VWC2: variants seen among roughly 807,000 people sequenced by gnomAD.
VWC2 encodes von Willebrand factor C domain containing 2.
VWC2 carries 14 observed loss-of-function variants against 29.8 expected under a neutral mutation model. That is an observed-to-expected ratio of 0.47 (90% confidence interval 0.31 to 0.74). The LOEUF (loss-of-function observed/expected upper bound fraction) is 0.74. Among genes scored for constraint, VWC2 ranks in the 30% least tolerant of loss-of-function variants. The probability of loss-of-function intolerance (pLI) is 0.05; values close to 1 mark genes in which losing one functional copy is unlikely to be tolerated. For missense variants in VWC2, 457 were observed against 459.8 expected (o/e 0.99, Z 0.05); for synonymous variants, 213 against 199.0 (o/e 1.07, Z -0.59).
At chr7:49,789,322 TGTGTGTGG>T (rs915476362) in intron 2 of VWC2, among the ~76,000 whole-genome samples, 17 of 148,152 alleles carry the variant, frequency 1.1e-4, no homozygotes, top group African/African-American at 4.3e-4. Context: ...TGGGTGTAGG[TGTGTGTGG>T]GTGCGTGTGA....
intron 3 of VWC2, among the ~76,000 whole-genome samples, chr7:49,909,898 G>A (rs988311537): frequency 6.6e-6 from 1 of 152,064 alleles, no homozygotes; most frequent in African/African-American, 2.4e-5. Context: ...GAGCCCAGGA[G>A]TTTGAGACCA....
chr7:49,817,101 G>A (rs1789164945), intron 3 of VWC2, among the ~76,000 whole-genome samples: 1 of 152,194 alleles, frequency 6.6e-6, no homozygotes, highest in Non-Finnish European at 1.5e-5. Flanking sequence ...CTCAGGCAGT[G>A]GCCCCAAGCT....
At chr7:49,897,940 C>T (rs1232191529) in intron 3 of VWC2, among the ~76,000 whole-genome samples, 1 of 152,080 alleles carries the variant, frequency 6.6e-6, no homozygotes, top group Admixed American at 6.6e-5. Context: ...GGAAAAATAG[C>T]CATTTGAAAC....
At chr7:49,872,915 CA>C (rs61473396) in intron 3 of VWC2, among the ~76,000 whole-genome samples, 1,293 of 33,854 alleles carry the variant, frequency 0.038, 15 homozygotes, top group South Asian at 0.25. Context: ...GACTTTGTCT[CA>C]AAAAAAAAAA....
chr7:49,853,733 AC>A (rs950096255), intron 3 of VWC2, among the ~76,000 whole-genome samples: 85 of 151,908 alleles, frequency 5.6e-4, no homozygotes, highest in African/African-American at 2.0e-3. Context: ...TTTTTATTAT[AC>A]TTTAAGTTCT....
At chr7:49,873,852 A>G (rs1791282417) in intron 3 of VWC2, among the ~76,000 whole-genome samples, 1 of 152,092 alleles carries the variant, frequency 6.6e-6, no homozygotes, top group Non-Finnish European at 1.5e-5. Flanking sequence ...ATGTACTACT[A>G]CACAGCATTT....
chr7:49,849,434 G>A (rs1790086753), intron 3 of VWC2, among the ~76,000 whole-genome samples: 1 of 152,178 alleles, frequency 6.6e-6, no homozygotes, highest in Non-Finnish European at 1.5e-5. Flanking sequence ...AGCTCTGCTG[G>A]GAGCAGACTG....
At chr7:49,881,718 A>T (rs1562750453) in intron 3 of VWC2, among the ~76,000 whole-genome samples, 1 of 152,116 alleles carries the variant, frequency 6.6e-6, no homozygotes. Context: ...TAGTAGAATA[A>T]CTCTAAATAG....
At chr7:49,797,061 A>G (rs890265598) in intron 2 of VWC2, among the ~76,000 whole-genome samples, 1 of 152,238 alleles carries the variant, frequency 6.6e-6, no homozygotes, top group Non-Finnish European at 1.5e-5. Context: ...CTGTCTATGT[A>G]CATATGATAT....
intron 3 of VWC2, among the ~76,000 whole-genome samples, chr7:49,818,492 A>G (rs1789198095): frequency 6.6e-6 from 1 of 152,038 alleles, no homozygotes; most frequent in African/African-American, 2.4e-5. Flanking sequence ...CACTGAAAAC[A>G]TTCATCCTTT....
intron 3 of VWC2, among the ~76,000 whole-genome samples, chr7:49,831,610 A>T (rs1463667113): frequency 6.6e-6 from 1 of 152,196 alleles, no homozygotes; most frequent in Non-Finnish European, 1.5e-5. Flanking sequence ...TGAAACAGAC[A>T]CTAAGGAAGC....
chr7:49,800,599 C>T (rs2128705542), intron 2 of VWC2, among the ~76,000 whole-genome samples: 1 of 152,184 alleles, frequency 6.6e-6, no homozygotes, highest in South Asian at 2.1e-4. Flanking sequence ...TAATCCACAC[C>T]ACCTGGGCTT....
chr7:49,867,846 T>TA (rs1337587663), intron 3 of VWC2, among the ~76,000 whole-genome samples: 5 of 101,300 alleles, frequency 4.9e-5, no homozygotes, highest in Non-Finnish European at 1.2e-4. Flanking sequence ...TTTTATTTTA[T>TA]TTTTTGAGGT....
intron 3 of VWC2, among the ~76,000 whole-genome samples, chr7:49,875,656 C>T (rs1276739958): frequency 1.3e-5 from 2 of 151,988 alleles, no homozygotes; most frequent in Non-Finnish European, 2.9e-5. Flanking sequence ...GTCACTTTGC[C>T]CCACTGACTC....
intron 2 of VWC2, among the ~76,000 whole-genome samples, chr7:49,782,669 G>T (rs1788203112): frequency 6.7e-6 from 1 of 149,268 alleles, no homozygotes; most frequent in African/African-American, 2.5e-5. Flanking sequence ...ACATAGTGAG[G>T]CCACATCTCT....
rs1793914174 is a variant in VWC2 at position 49,919,587 on chromosome 7, T to C, written c.*7402T>C. On this transcript the variant is annotated 3_prime_UTR_variant, in exon 4 of 4. Transcript: ENST00000340652. ...AAAATCCTCACAAACCCCAATTTAA[T>C]TTAATATAGATTAATTATAAAAATA... The C allele has an allele frequency of 6.6e-6, 1 of 152,172 alleles. No homozygotes were observed. The highest frequency in any genetic ancestry group is 1.9e-4 in the East Asian group (1 of 5,194). 9.4% of individuals were successfully genotyped at this position (152,172 alleles called of 1,614,324 possible).
At chr7:49,877,033 G>A (rs1791440274) in intron 3 of VWC2, among the ~76,000 whole-genome samples, 1 of 152,104 alleles carries the variant, frequency 6.6e-6, no homozygotes, top group South Asian at 2.1e-4. Flanking sequence ...CTACTTGACC[G>A]TCAGTCTCCT....
intron 3 of VWC2, among the ~76,000 whole-genome samples, chr7:49,837,387 C>T (rs956947565): frequency 1.2e-4 from 19 of 152,178 alleles, no homozygotes; most frequent in African/African-American, 2.9e-4. Flanking sequence ...CAAGTCACCT[C>T]GATGATGTGC....
intron 3 of VWC2, among the ~76,000 whole-genome samples, chr7:49,841,559 C>T (rs182453188): frequency 8.3e-4 from 127 of 152,290 alleles, no homozygotes; most frequent in Non-Finnish European, 1.6e-3. Flanking sequence ...TATAACAAAT[C>T]GCCAGATATA....
Sources: allele counts gnomAD v4.1 joint callset (sites outside exome capture counted in the v4.1 genomes callset), GRCh38; gene constraint gnomAD v4.1.1; transcripts MANE v1.5; gene names NCBI Gene and HGNC (gene_info 2026-07-23, HGNC 2026-07-21).